Variants in WDR59 observed in about 807,000 individuals in gnomAD.
WDR59 encodes GATOR2 complex protein WDR59.
Under a neutral mutation model 131.2 loss-of-function variants are expected in WDR59, and 100 were observed. That is an observed-to-expected ratio of 0.76 (90% CI 0.65 to 0.90). The LOEUF is 0.90. Ranked by LOEUF, WDR59 falls within the 40% of genes least tolerant of loss-of-function variation. WDR59 has a pLI of 0.00. For missense variants in WDR59, 1,203 were observed against 1,262.2 expected (o/e 0.95, Z 0.71); for synonymous variants, 601 against 466.2 (o/e 1.29, Z -3.72).
chr16:74,908,408 T>C (rs545476012), intron 17 of WDR59, among the ~76,000 whole-genome samples: 5 of 152,056 alleles, frequency 3.3e-5, no homozygotes, highest in African/African-American at 1.2e-4. Flanking sequence ...CAGAGCCAGA[T>C]CCTGTCTCAA....
At chr16:74,980,783 C>T (rs2034371962) in intron 1 of WDR59, among the ~76,000 whole-genome samples, 1 of 149,628 alleles carries the variant, frequency 6.7e-6, no homozygotes. Flanking sequence ...ACCAGCCTGG[C>T]CAACATGACG....
intron 2 of WDR59, among the ~76,000 whole-genome samples, chr16:74,965,063 T>A (rs939310221): frequency 1.1e-4 from 17 of 150,230 alleles, no homozygotes; most frequent in Non-Finnish European, 1.9e-4. Context: ...AAACTCCGTC[T>A]CAAAAAAAAA....
intron 2 of WDR59, among the ~76,000 whole-genome samples, chr16:74,958,833 C>T (rs935510789): frequency 3.8e-5 from 5 of 132,152 alleles, no homozygotes; most frequent in East Asian, 4.3e-4. Flanking sequence ...GAGGCCGAGG[C>T]GGATGGATCA....
At chr16:74,907,895 G>C (rs896825385) in intron 17 of WDR59, among the ~76,000 whole-genome samples, 4 of 152,210 alleles carry the variant, frequency 2.6e-5, no homozygotes, top group African/African-American at 9.6e-5. Context: ...AGGAACTGAA[G>C]CTGAAGTTTA....
At chr16:74,984,802 TCCCTC>T in intron 1 of WDR59, 157 bp downstream of exon 1, 1 of 992,622 alleles carries the variant, frequency 1.0e-6, no homozygotes, top group Non-Finnish European at 1.5e-6. Flanking sequence ...ATGGTCGTCT[TCCCTC>T]CCCCGACGGG....
intron 7 of WDR59, among the ~76,000 whole-genome samples, chr16:74,940,204 C>T (rs1041449937): frequency 6.6e-6 from 1 of 151,992 alleles, no homozygotes; most frequent in African/African-American, 2.4e-5. Context: ...CACGGTGAAA[C>T]CCTGTCTCTA....
intron 18 of WDR59, among the ~76,000 whole-genome samples, chr16:74,897,243 A>T (rs1343732349): frequency 6.6e-6 from 1 of 152,212 alleles, no homozygotes; most frequent in Non-Finnish European, 1.5e-5. Context: ...TCCTGCAGCT[A>T]CATGGCTTCA....
At chr16:74,914,919 GAT>G (rs1966288465) in intron 13 of WDR59, among the ~76,000 whole-genome samples, 2 of 152,134 alleles carry the variant, frequency 1.3e-5, no homozygotes, top group African/African-American at 4.8e-5. Flanking sequence ...AGCCACATGA[GAT>G]AGTTATGTAA....
intron 25 of WDR59, among the ~76,000 whole-genome samples, chr16:74,875,854 A>T (rs1390898855): frequency 1.3e-5 from 2 of 152,168 alleles, no homozygotes; most frequent in East Asian, 3.9e-4. Flanking sequence ...CCCATGTTCA[A>T]GAAATGCATC....
chr16:74,916,917 G>T (rs973737812), intron 11 of WDR59, among the ~76,000 whole-genome samples: 1 of 151,720 alleles, frequency 6.6e-6, no homozygotes, highest in African/African-American at 2.4e-5. Flanking sequence ...GTACCTTTTG[G>T]AAAAAACAGA....
intron 2 of WDR59, 148 bp downstream of exon 2, chr16:74,965,625 C>T (rs973364754): frequency 1.3e-5 from 12 of 893,204 alleles, no homozygotes; most frequent in Non-Finnish European, 2.1e-5. Context: ...AATAATCCCT[C>T]CGAGTAGCCC....
chr16:74,905,524 T>C (rs1160727092), intron 17 of WDR59, among the ~76,000 whole-genome samples: 1 of 142,186 alleles, frequency 7.0e-6, no homozygotes, highest in Non-Finnish European at 1.5e-5. Flanking sequence ...TATTAAAAAA[T>C]ACAAAAAATT....
intron 19 of WDR59, among the ~76,000 whole-genome samples, chr16:74,893,340 G>A (rs945677535): frequency 6.6e-6 from 1 of 152,144 alleles, no homozygotes; most frequent in Non-Finnish European, 1.5e-5. Flanking sequence ...AGCTGCAAGG[G>A]TCTGAATTCT....
At chr16:74,945,305 T>C (rs1227663756) in intron 6 of WDR59, among the ~76,000 whole-genome samples, 16 of 149,396 alleles carry the variant, frequency 1.1e-4, no homozygotes, top group Non-Finnish European at 1.6e-4. Context: ...TGAAACCCTG[T>C]CTCTACTAAA....
chr16:74,889,936 G>C, intron 20 of WDR59, 121 bp from the exon 21 acceptor site: 1 of 649,784 alleles, frequency 1.5e-6, no homozygotes, highest in Non-Finnish European at 2.6e-6. Flanking sequence ...GGCAGCAAAA[G>C]CTGGATCCTT....
intron 6 of WDR59, among the ~76,000 whole-genome samples, chr16:74,945,749 G>C (rs8045295): frequency 6.6e-6 from 1 of 151,412 alleles, no homozygotes; most frequent in African/African-American, 2.4e-5. Context: ...TCTACAGTGT[G>C]AGTCACTCCC....
At chr16:74,903,084 G>A (rs900799168) in intron 18 of WDR59, among the ~76,000 whole-genome samples, 1 of 152,198 alleles carries the variant, frequency 6.6e-6, no homozygotes, top group Non-Finnish European at 1.5e-5. Flanking sequence ...ACATTCTACT[G>A]CAATCGAACT....
At chr16:74,970,494 CCAAAAAAAAAAAAAAAA>C (rs1199201838) in intron 1 of WDR59, among the ~76,000 whole-genome samples, 2 of 103,828 alleles carry the variant, frequency 1.9e-5, no homozygotes, top group African/African-American at 6.2e-5. Flanking sequence ...GACTCTGTCT[CCAAAAAAAAAAAAAAAA>C]AAAAAAAAAA....
At chr16:74,960,215 C>T (rs1374382670) in intron 2 of WDR59, among the ~76,000 whole-genome samples, 2 of 151,922 alleles carry the variant, frequency 1.3e-5, no homozygotes, top group Non-Finnish European at 2.9e-5. Context: ...CCTGTAATCC[C>T]AGTTACTTGG....
Sources: allele counts gnomAD v4.1 joint callset (sites outside exome capture counted in the v4.1 genomes callset), GRCh38; gene constraint gnomAD v4.1.1; transcripts MANE v1.5; gene names NCBI Gene and HGNC (gene_info 2026-07-23, HGNC 2026-07-21).